MYO5B: variants seen among roughly 807,000 people sequenced by gnomAD.
MYO5B encodes the protein unconventional myosin-Vb.
MYO5B carries 143 observed loss-of-function variants against 229.3 expected under a neutral mutation model. The observed-to-expected ratio is 0.62, with a 90% CI of 0.54 to 0.72. The LOEUF is 0.72. Among genes scored for constraint, MYO5B ranks in the 30% least tolerant of loss-of-function variants. The probability of loss-of-function intolerance (pLI) is 0.00; values close to 1 mark genes in which losing one functional copy is unlikely to be tolerated. For missense variants in MYO5B, 2,321 were observed against 2,331.0 expected, an observed-to-expected ratio of 1.00 and a Z score of 0.09; for synonymous variants, 918 against 885.2, an observed-to-expected ratio of 1.04 and a Z score of -0.66.
At chr18:50,145,239 G>A (rs2032480975) in intron 1 of MYO5B, among the ~76,000 whole-genome samples, 1 of 152,096 alleles carries the variant, frequency 6.6e-6, no homozygotes, top group Admixed American at 6.5e-5. Flanking sequence ...TGCAATCTCA[G>A]CACTTTGGGA....
chr18:49,954,006 ATGTGTGTATGTATTTATATGTG>A (rs1346406499), intron 13 of MYO5B, among the ~76,000 whole-genome samples: 1 of 137,026 alleles, frequency 7.3e-6, no homozygotes, highest in Non-Finnish European at 1.5e-5. Flanking sequence ...ACAGACATAT[ATGTGTGTATGTATTTATATGTG>A]TGTGTGTGTG....
intron 7 of MYO5B, among the ~76,000 whole-genome samples, chr18:49,988,285 T>C (rs2025893039): frequency 6.6e-6 from 1 of 152,182 alleles, no homozygotes; most frequent in South Asian, 2.1e-4. Context: ...ATGCCAAGCT[T>C]CAGGGCCCTC....
intron 4 of MYO5B, among the ~76,000 whole-genome samples, chr18:50,014,443 A>G (rs929000074): frequency 1.3e-5 from 2 of 152,206 alleles, no homozygotes; most frequent in Non-Finnish European, 2.9e-5. Flanking sequence ...CCTCGTTTGT[A>G]AGAGAGAGTA....
At chr18:50,097,246 C>A (rs1172210375) in intron 1 of MYO5B, 1 of 456,728 alleles carries the variant, frequency 2.2e-6, no homozygotes, top group Non-Finnish European at 4.4e-6. Context: ...GATCTCACCT[C>A]TCTTGTGACA....
Position 49,974,562 on chromosome 18 carries a change from A to T in MYO5B, c.1110T>A (p.Ser370Arg). 6.2e-7 allele frequency: 1 copy of T among 1,614,036 alleles called. No homozygotes were observed. The highest frequency in any genetic ancestry group is 8.5e-7 in the Non-Finnish European group (1 of 1,179,980). The change falls in exon 10 of 40, where the codon AGT (serine) becomes AGA (arginine). Residue 370 changes from serine (S) to arginine (R), a missense_variant. Physicochemically the swap from Ser to Arg is moderately radical, Grantham distance 110. Coordinates refer to ENST00000285039, the MANE Select transcript of MYO5B (RefSeq NM_001080467.3). ...NFCRLLGVEH[S>R]QMEHWLCHRK... ...GATGACACAGCCAGTGCTCCATCTG[A>T]CTGTGCTCCACCCCTAGCAGTCGGC...
In MYO5B at chr18:49,877,888, C is replaced by A; in HGVS notation, c.3277-6G>T. On this transcript the variant is annotated splice_region_variant and splice_polypyrimidine_tract_variant and intron_variant, in intron 24 of 39. Coordinates refer to ENST00000285039, the MANE Select transcript of MYO5B (RefSeq NM_001080467.3). Reference sequence around the variant, plus strand: ...CGCCTATGACCTGGAGTTTGCTGTTCAACAAGAAAAACGTGATAGCTCATT... The same window carrying A: ...CGCCTATGACCTGGAGTTTGCTGTTAAACAAGAAAAACGTGATAGCTCATT... 1 of 1,613,978 alleles carries A rather than the reference C, an allele frequency of 6.2e-7. No homozygotes were observed. Among genetic ancestry groups the A allele is most frequent in the Non-Finnish European group, 8.5e-7 (1 of 1,179,932 alleles).
intron 3 of MYO5B, among the ~76,000 whole-genome samples, chr18:50,039,346 T>G (rs74442723): frequency 0.047 from 7,188 of 152,284 alleles, 554 homozygotes; most frequent in African/African-American, 0.16. Context: ...GTTTTGTTTT[T>G]TTTGAGACAT....
At chr18:50,111,815 C>A (rs1037843394) in intron 1 of MYO5B, among the ~76,000 whole-genome samples, 11 of 152,214 alleles carry the variant, frequency 7.2e-5, no homozygotes, top group African/African-American at 2.7e-4. Context: ...TTTCTTTGAA[C>A]TTCTGAAGAC....
chr18:50,174,812 C>G (rs1235629727), intron 1 of MYO5B, among the ~76,000 whole-genome samples: 1 of 152,166 alleles, frequency 6.6e-6, no homozygotes, highest in African/African-American at 2.4e-5. Context: ...ATACAAATGC[C>G]TTACATAGGT....
intron 1 of MYO5B, among the ~76,000 whole-genome samples, chr18:50,105,204 A>AAACT (rs2031733238): frequency 7.2e-6 from 1 of 139,058 alleles, no homozygotes; most frequent in Non-Finnish European, 1.5e-5. Flanking sequence ...AGGCATGGTA[A>AAACT]AAATAAATAA....
rs751856988 is a variant in MYO5B, at chr18:49,936,345, C to T, written c.1910G>A (p.Arg637His). The T allele has an allele frequency of 1.2e-5, 19 of 1,591,626 alleles. No homozygotes were observed. The highest frequency in any genetic ancestry group is 6.8e-5 in the East Asian group (3 of 44,260). ...EHKKTVGHQF[R>H]TSLHLLMETL... is the part of the protein sequence containing the mutation. ...CTCCATGAGCAGATGCAGGGAGGTACGGAACTAGAGAGACAAAAGCCAGTG... is the reference window on the plus strand; with the variant it reads ...CTCCATGAGCAGATGCAGGGAGGTATGGAACTAGAGAGACAAAAGCCAGTG... Residue 637 changes from arginine to histidine, a missense_variant, in exon 16 of 40, where the codon CGT becomes CAT. Physicochemically the swap from Arg to His is conservative, Grantham distance 29. This residue lies in a region of MYO5B where 2,113 missense variants were observed against 2,044.7 expected (regional missense o/e 1.03). Transcript: ENST00000285039.
intron 1 of MYO5B, among the ~76,000 whole-genome samples, chr18:50,128,123 G>C (rs1201142646): frequency 6.6e-6 from 1 of 152,186 alleles, no homozygotes; most frequent in African/African-American, 2.4e-5. Flanking sequence ...AATTGTGTGA[G>C]TAATTCCATA....
chr18:50,116,132 C>T (rs538709023), intron 1 of MYO5B, among the ~76,000 whole-genome samples: 5 of 152,284 alleles, frequency 3.3e-5, no homozygotes, highest in African/African-American at 1.2e-4. Flanking sequence ...AGACAGACTC[C>T]TAAGAGCAAT....
intron 14 of MYO5B, among the ~76,000 whole-genome samples, chr18:49,945,013 CA>C (rs1341288097): frequency 6.6e-6 from 1 of 152,250 alleles, no homozygotes; most frequent in Non-Finnish European, 1.5e-5. Flanking sequence ...GCCTCTGTGC[CA>C]CTGGCCCACG....
chr18:50,031,483 T>G (rs2026389284), intron 4 of MYO5B, among the ~76,000 whole-genome samples: 2 of 152,176 alleles, frequency 1.3e-5, no homozygotes, highest in Non-Finnish European at 1.5e-5. Context: ...TAATTCCTAT[T>G]CTTTCTTGAG....
rs2023823593 is a variant in MYO5B, at chr18:49,824,936, T to C, written c.*1535A>G. ...AGCCCCAGGAGATGCAGAGAACAAC[T>C]GAGGAAGCTGTGCTCTAAGGGCACA... On this transcript the variant is annotated 3_prime_UTR_variant, in exon 40 of 40. Coordinates refer to ENST00000285039, the MANE Select transcript of MYO5B (RefSeq NM_001080467.3). The C allele has an allele frequency of 6.6e-6, 1 of 152,184 alleles. No individual in the cohort carries two copies. The highest frequency in any genetic ancestry group is 2.4e-5 in the African/African-American group (1 of 41,424). 9.4% of individuals were successfully genotyped at this position (152,184 alleles called of 1,614,324 possible). A position where few individuals can be genotyped will look rare whatever the true frequency, so the allele number is the denominator to read the frequency against.
intron 31 of MYO5B, chr18:49,850,023 TG>T: frequency 5.5e-6 from 2 of 364,786 alleles, no homozygotes; most frequent in Non-Finnish European, 1.1e-5. Flanking sequence ...GGCAGCGCCC[TG>T]GGAAGGAACG....
At chr18:50,113,638 A>T (rs9954152) in intron 1 of MYO5B, among the ~76,000 whole-genome samples, 4 of 152,098 alleles carry the variant, frequency 2.6e-5, no homozygotes, top group Non-Finnish European at 4.4e-5. Flanking sequence ...TCCAAAAAGC[A>T]TCAACTACAC....
intron 12 of MYO5B, 144 bp from the exon 13 acceptor site, chr18:49,954,579 G>A: frequency 4.5e-6 from 5 of 1,120,438 alleles, no homozygotes; most frequent in African/African-American, 1.5e-5. Context: ...ACGGTGCAAA[G>A]AATGATTCAA....
Sources: allele counts gnomAD v4.1 joint callset (sites outside exome capture counted in the v4.1 genomes callset), GRCh38; gene constraint gnomAD v4.1.1; regional missense constraint gnomAD v4.1.1; transcripts MANE v1.5; gene names NCBI Gene and HGNC (gene_info 2026-07-23, HGNC 2026-07-21).